The following SETX variants were observed in gnomAD, a reference collection of about 807,000 sequenced individuals.
SETX encodes senataxin.
SETX carries 90 observed loss-of-function variants against 227.2 expected under a neutral mutation model. The observed-to-expected ratio is 0.40, with a 90% CI of 0.33 to 0.47. SETX has a LOEUF of 0.47. Ranked by LOEUF, SETX falls within the 20% of genes least tolerant of loss-of-function variation. SETX has a pLI of 0.91. For synonymous variants in SETX, 1,210 were observed against 1,113.2 expected, an observed-to-expected ratio of 1.09 and a Z score of -1.73; for missense variants, 3,052 against 3,181.5, an observed-to-expected ratio of 0.96 and a Z score of 0.98.
chr9:132,277,997 CAGTA>C, intron 21 of SETX, 69 bp downstream of exon 21: 4 of 1,405,604 alleles, frequency 2.8e-6, no homozygotes, highest in Non-Finnish European at 3.0e-6. Flanking sequence ...CCTAAGACGA[CAGTA>C]AAATGTCTAT....
chr9:132,302,356 CAA>C (rs35649212), intron 11 of SETX, among the ~76,000 whole-genome samples: 8 of 27,808 alleles, frequency 2.9e-4, no homozygotes, highest in Non-Finnish European at 5.6e-4. Context: ...GAATCCATCT[CAA>C]AAAAAAAAAA....
At chr9:132,277,996 A>T in intron 21 of SETX, 74 bp downstream of exon 21, 1 of 1,399,340 alleles carries the variant, frequency 7.1e-7, no homozygotes. Context: ...ACCTAAGACG[A>T]CAGTAAAATG....
At chr9:132,302,680 G>GAAAAAA (rs1564510211) in intron 11 of SETX, among the ~76,000 whole-genome samples, 1 of 36,176 alleles carries the variant, frequency 2.8e-5, no homozygotes. Flanking sequence ...AAAAAAAAAA[G>GAAAAAA]CAAAAAAAAA....
chr9:132,299,370 G>A (rs895006823), intron 12 of SETX, among the ~76,000 whole-genome samples: 1 of 152,128 alleles, frequency 6.6e-6, no homozygotes, highest in East Asian at 1.9e-4. Context: ...CAGGGAATGA[G>A]ACTGCCTTAG....
Position 132,263,367 on chromosome 9 carries a change from A to G in SETX, c.*872T>C, listed in dbSNP as rs144932525. 8 of 152,356 alleles carry G rather than the reference A, an allele frequency of 5.3e-5. No homozygotes were observed. Among genetic ancestry groups the G allele is most frequent in the African/African-American group, 1.7e-4 (7 of 41,568 alleles). 9.4% of individuals were successfully genotyped at this position (152,356 alleles called of 1,614,324 possible). A position where few individuals can be genotyped will look rare whatever the true frequency, so the allele number is the denominator to read the frequency against. ...GAGGCGATTCTTCCACAGCTGACCC[A>G]GCGCTAATCTAGCATTTGGCAACCA... On this transcript the variant is annotated 3_prime_UTR_variant, in exon 26 of 26. Coordinates refer to ENST00000224140, the MANE Select transcript of SETX (RefSeq NM_015046.7).
At chr9:132,283,061 C>T (rs1427109099) in intron 19 of SETX, 1 of 630,776 alleles carries the variant, frequency 1.6e-6, no homozygotes, top group Non-Finnish European at 2.7e-6. Flanking sequence ...TCAAGACTAA[C>T]CCCCAATACT....
chr9:132,323,411 G>C (rs956741857), intron 10 of SETX, among the ~76,000 whole-genome samples: 2 of 152,192 alleles, frequency 1.3e-5, no homozygotes, highest in Non-Finnish European at 2.9e-5. Flanking sequence ...ACATGGCTTA[G>C]CTGAAGATAT....
chr9:132,285,648 G>A (rs746504274), intron 18 of SETX, among the ~76,000 whole-genome samples: 13 of 151,704 alleles, frequency 8.6e-5, no homozygotes, highest in Middle Eastern at 3.2e-3. Context: ...TAGGGAGGCC[G>A]AGGTGGGCGG....
At chr9:132,299,651 G>A (rs567735128) in intron 12 of SETX, among the ~76,000 whole-genome samples, 14 of 152,250 alleles carry the variant, frequency 9.2e-5, no homozygotes, top group African/African-American at 3.4e-4. Flanking sequence ...TTGCCAAAAA[G>A]GCAGTTTGGC....
chr9:132,324,925 A>T (rs78171626), intron 10 of SETX, among the ~76,000 whole-genome samples: 128 of 152,306 alleles, frequency 8.4e-4, no homozygotes, highest in African/African-American at 2.2e-3. Flanking sequence ...TACACTAAAG[A>T]ATTATTTGAT....
chr9:132,311,310 T>C (rs1332561013), intron 11 of SETX, among the ~76,000 whole-genome samples: 1 of 151,762 alleles, frequency 6.6e-6, no homozygotes, highest in African/African-American at 2.4e-5. Flanking sequence ...TGGATGGGGG[T>C]TGGGGGTAAA....
chr9:132,283,552 C>G, intron 18 of SETX, 139 bp from the exon 19 acceptor site: 1 of 1,046,662 alleles, frequency 9.6e-7, no homozygotes, highest in Non-Finnish European at 1.4e-6. Context: ...TTAGGGGAAA[C>G]CCTCAAATCT....
chr9:132,262,357 T>C lies in SETX; in HGVS notation c.*1882A>G, dbSNP rs1317491989. 1.3e-5 allele frequency: 2 copies of C among 152,240 alleles called. No homozygotes were observed. The highest frequency in any genetic ancestry group is 2.9e-5 in the Non-Finnish European group (2 of 68,038). The allele number at this position is 152,240 out of a possible 1,614,324, so 9.4% of individuals were successfully genotyped here. ...CTTTAGAAGCTTAGGAGTTTGTACA[T>C]TCCCTAAGTGGTCAGCACTACAAGT... On this transcript the variant is annotated 3_prime_UTR_variant, in exon 26 of 26. Coordinates refer to ENST00000224140, the MANE Select transcript of SETX (RefSeq NM_015046.7).
intron 11 of SETX, 64 bp from the exon 12 acceptor site, chr9:132,300,867 C>CAAGAAGAAG: frequency 7.0e-7 from 1 of 1,433,922 alleles, no homozygotes; most frequent in Non-Finnish European, 9.4e-7. Context: ...ATAAGATTAA[C>CAAGAAGAAG]TTAAAAGAAA....
chr9:132,331,259 G>T lies in SETX; in HGVS notation c.1010+18C>A. 1 of 1,613,702 alleles carries T rather than the reference G, an allele frequency of 6.2e-7. No homozygotes were observed. The highest frequency in any genetic ancestry group is 8.5e-7 in the Non-Finnish European group (1 of 1,179,738). ...CTTATAGAGATGATGTTTAAATCCT[G>T]ACATTAGCTGAACTAACCTTACAGA... On this transcript the variant is annotated intron_variant, in intron 8 of 25. Coordinates refer to ENST00000224140, the MANE Select transcript of SETX (RefSeq NM_015046.7).
intron 11 of SETX, among the ~76,000 whole-genome samples, chr9:132,310,014 T>C (rs780985628): frequency 2.0e-5 from 3 of 152,110 alleles, no homozygotes; most frequent in Non-Finnish European, 4.4e-5. Context: ...AAAGAGTCAG[T>C]ATGTAAGTCA....
rs147051414 is a variant in SETX, at chr9:132,269,575, C to T, written c.7287+40G>A. On this transcript the variant is annotated intron_variant, in intron 25 of 25. Coordinates refer to ENST00000224140, the MANE Select transcript of SETX (RefSeq NM_015046.7). Reference sequence around the variant, plus strand: ...TAAGAACAAAAACTCAATCCAACAACAGTAACAATGGGTAAACTTCTGAGC... The same window carrying T: ...TAAGAACAAAAACTCAATCCAACAATAGTAACAATGGGTAAACTTCTGAGC... 30 of 1,611,800 alleles carry T rather than the reference C, an allele frequency of 1.9e-5. No individual in the cohort carries two copies. In the East Asian group the frequency reaches 6.5e-4, roughly 35 times the overall value.
At chr9:132,348,373 C>CT (rs1554825830) in intron 3 of SETX, among the ~76,000 whole-genome samples, 1 of 122,442 alleles carries the variant, frequency 8.2e-6, no homozygotes, top group African/African-American at 3.0e-5. Context: ...AAAAAAAAAA[C>CT]AAAACAAAAA....
intron 3 of SETX, among the ~76,000 whole-genome samples, chr9:132,348,757 C>G (rs1277821707): frequency 6.6e-6 from 1 of 151,688 alleles, no homozygotes; most frequent in Non-Finnish European, 1.5e-5. Flanking sequence ...AAGACCTCGT[C>G]TCTACAAAAA....
Sources: gnomAD v4.1 joint callset for allele counts (sites outside exome capture counted in the v4.1 genomes callset) on GRCh38, gnomAD v4.1.1 for gene constraint, MANE v1.5 for transcripts, NCBI Gene and HGNC (gene_info 2026-07-23, HGNC 2026-07-21) for gene names.